The following KMT2B variants were observed in gnomAD, a reference collection of about 807,000 sequenced individuals.
KMT2B encodes lysine methyltransferase 2B.
In KMT2B, 22 loss-of-function variants were observed where a neutral mutation model predicts 255.3. The ratio of observed to expected loss-of-function variants is 0.09; its 90% confidence interval spans 0.06 to 0.12. KMT2B has a LOEUF of 0.12. KMT2B is among the 10% of genes least tolerant of loss of function. The pLI is 1.00. For synonymous variants in KMT2B, 1,730 were observed against 1,498.1 expected (o/e 1.15, Z -3.57); for missense variants, 3,149 against 3,737.0 (o/e 0.84, Z 4.10).
intron 30 of KMT2B, among the ~76,000 whole-genome samples, chr19:35,734,547 T>A (rs543845579): frequency 6.6e-6 from 1 of 152,156 alleles, no homozygotes; most frequent in East Asian, 1.9e-4. Context: ...AAGGGCAGGC[T>A]GGGATGGAAA....
chr19:35,727,306 C>T lies in KMT2B; in HGVS notation c.4117+37C>T, dbSNP rs888765388. On this transcript the variant is annotated intron_variant, in intron 15 of 36. Transcript: ENST00000420124. This position sits in a 1 kb window ranked among gnomAD's most constrained non-coding sequence, Gnocchi z 4.2. ...GAGCACCTGGGCTGCAGCCTCAACC[C>T]TGTGGGGACCCCTGCCCCCACCACA... The T allele has an allele frequency of 6.3e-7, 1 of 1,588,354 alleles. No individual in the cohort carries two copies. Among genetic ancestry groups the T allele is most frequent in the South Asian group, 1.1e-5 (1 of 90,514 alleles).
chr19:35,723,677 A>G lies in KMT2B; in HGVS notation c.3059-55A>G, dbSNP rs1969308531. 8 of 1,456,592 alleles carry G rather than the reference A, an allele frequency of 5.5e-6. No individual in the cohort carries two copies. The South Asian group carries it at 1.1e-4, about 20-fold the overall frequency. The allele number at this position is 1,456,592 out of a possible 1,614,324, so 90.2% of individuals were successfully genotyped here. A position where few individuals can be genotyped will look rare whatever the true frequency, so the allele number is the denominator to read the frequency against. ...CCCGCTTCTTTCTGGCTTCTCTCCCAGTGTCCCATGTCCCTGGCTGAGCTC... is the reference window on the plus strand; with the variant it reads ...CCCGCTTCTTTCTGGCTTCTCTCCCGGTGTCCCATGTCCCTGGCTGAGCTC... On this transcript the variant is annotated intron_variant, in intron 7 of 36. Coordinates refer to ENST00000420124, the MANE Select transcript of KMT2B (RefSeq NM_014727.3). The surrounding 1 kb of genome is among the most constrained non-coding windows in gnomAD (Gnocchi z 7.5).
rs775006966 is a variant in KMT2B, at chr19:35,718,276, C to A, written c.258C>A (p.Gly86=). The change falls in exon 1 of 37, where the codon GGC becomes GGA. Residue 86 remains glycine, a synonymous_variant. Transcript: ENST00000420124. This position sits in a 1 kb window ranked among gnomAD's most constrained non-coding sequence, Gnocchi z 5.0. ...GLRRLRRLWA[G]PRVQRGRGRG... is the part of the protein sequence containing the mutation. ...GCCGGCTCCGCCGCCTGTGGGCCGGCCCGCGGGTCCAGCGGGGCCGGGGAC... is the reference window on the plus strand; with the variant it reads ...GCCGGCTCCGCCGCCTGTGGGCCGGACCGCGGGTCCAGCGGGGCCGGGGAC... 6.6e-6 allele frequency: 8 copies of A among 1,221,112 alleles called. No homozygotes were observed. The Admixed American group carries it at 3.5e-4, about 54-fold the overall frequency. 75.6% of individuals were successfully genotyped at this position (1,221,112 alleles called of 1,614,324 possible).
rs1969029470 is a variant in KMT2B at position 35,718,183 on chromosome 19, G to C, written c.165G>C (p.Gly55=). The C allele has an allele frequency of 9.0e-7, 1 of 1,116,296 alleles. No individual in the cohort carries two copies. Among genetic ancestry groups the C allele is most frequent in the South Asian group, 4.3e-5 (1 of 23,334 alleles). 69.1% of individuals were successfully genotyped at this position (1,116,296 alleles called of 1,614,324 possible). ...VALRRGGGAT[G]PGGAEPGEDT... is the part of the protein sequence containing the mutation. ...TGCGGCGCGGCGGTGGCGCGACGGG[G>C]CCGGGCGGAGCCGAGCCCGGGGAGG... Residue 55 remains glycine (G), a synonymous_variant, in exon 1 of 37, where the codon GGG becomes GGC. Transcript: ENST00000420124. This position sits in a 1 kb window ranked among gnomAD's most constrained non-coding sequence, Gnocchi z 5.0.
At chr19:35,728,011 G>C (rs780129338) in intron 18 of KMT2B, 26 bp downstream of exon 18, 2 of 1,548,732 alleles carry the variant, frequency 1.3e-6, no homozygotes, top group African/African-American at 2.7e-5. Context: ...GATGCTTGTG[G>C]GGTGGGGGAG....
chr19:35,737,054 A>C lies in KMT2B; in HGVS notation c.7373-32A>C, dbSNP rs766990900. 6.2e-7 allele frequency: 1 copy of C among 1,610,330 alleles called. No individual in the cohort carries two copies. The highest frequency in any genetic ancestry group is 1.7e-5 in the Admixed American group (1 of 59,400). On this transcript the variant is annotated intron_variant, in intron 32 of 36. Transcript: ENST00000420124. The surrounding 1 kb of genome is among the most constrained non-coding windows in gnomAD (Gnocchi z 5.3). ...CCCGAGGGCACCATGGGCCCTCCAC[A>C]TGACAGGTGTGTCCTCAACATCTCC...
At position 35,733,853 on chromosome 19, in the gene KMT2B, C is replaced by G. The variant is rs1320682782; in HGVS notation, c.7140C>G (p.Ser2380=). ...PDGPPDLLLE[S]QWHHYSGEAS... ...GTCCCCCAGACCTGCTGCTTGAGTC[C>G]CAGTGGCACCACTATTCAGGTAGGG... is the stretch of plus-strand genomic sequence containing the variant. The change falls in exon 30 of 37, where the codon TCC becomes TCG. Residue 2380 remains serine, a synonymous_variant. Coordinates refer to ENST00000420124, the MANE Select transcript of KMT2B (RefSeq NM_014727.3). The surrounding 1 kb of genome is among the most constrained non-coding windows in gnomAD (Gnocchi z 4.3). The G allele has an allele frequency of 6.2e-7, 1 of 1,612,982 alleles. No homozygotes were observed. Among genetic ancestry groups the G allele is most frequent in the Non-Finnish European group, 8.5e-7 (1 of 1,179,194 alleles).
At position 35,720,218 on chromosome 19, in the gene KMT2B, G is replaced by A; in HGVS notation, c.871G>A (p.Gly291Arg). ...AGGACAGTCAAGCCGTGGAGGCCGT[G>A]GAGGCAGGGGCCGCGGCCGAGGTGG... is the stretch of plus-strand genomic sequence containing the variant. ...RGGQSSRGGR[G>R]GRGRGRGGGL... is the part of the protein sequence containing the mutation. Residue 291 changes from glycine (G) to arginine (R), a missense_variant, in exon 3 of 37, where the codon GGA (glycine) becomes AGA (arginine). Coordinates refer to ENST00000420124, the MANE Select transcript of KMT2B (RefSeq NM_014727.3). 6.2e-7 allele frequency: 1 copy of A among 1,610,650 alleles called. No homozygotes were observed. The highest frequency in any genetic ancestry group is 8.5e-7 in the Non-Finnish European group (1 of 1,178,688).
Position 35,718,426 on chromosome 19 carries a change from C to G in KMT2B, c.363+45C>G. On this transcript the variant is annotated intron_variant, in intron 1 of 36. Coordinates refer to ENST00000420124, the MANE Select transcript of KMT2B (RefSeq NM_014727.3). This position sits in a 1 kb window ranked among gnomAD's most constrained non-coding sequence, Gnocchi z 5.0. ...CCCCGGCGCCGGGTGGGGCGGAGGC[C>G]GGGGCTTCCAGGGGTCTGGGTTGTC... is the stretch of plus-strand genomic sequence containing the variant. 1 of 1,231,248 alleles carries G rather than the reference C, an allele frequency of 8.1e-7. No individual in the cohort carries two copies. The allele number at this position is 1,231,248 out of a possible 1,614,324, so 76.3% of individuals were successfully genotyped here.
At position 35,736,835 on chromosome 19, in the gene KMT2B, G is replaced by T. The variant is rs967527443; in HGVS notation, c.7297+8G>T. The T allele has an allele frequency of 6.2e-7, 1 of 1,613,840 alleles. No individual in the cohort carries two copies. The highest frequency in any genetic ancestry group is 8.5e-7 in the Non-Finnish European group (1 of 1,179,878). Reference sequence around the variant, plus strand: ...AGGCAGAGAGCTTGGAGGGTGAGTGGGGGGAGTGCAGTGGCAGGAGGGAGA... The same window carrying T: ...AGGCAGAGAGCTTGGAGGGTGAGTGTGGGGAGTGCAGTGGCAGGAGGGAGA... On this transcript the variant is annotated splice_region_variant and intron_variant, in intron 31 of 36. Transcript: ENST00000420124.
rs1969352947 is a variant in KMT2B, at chr19:35,724,517, T to G, written c.3335-120T>G. On this transcript the variant is annotated intron_variant, in intron 8 of 36. Coordinates refer to ENST00000420124, the MANE Select transcript of KMT2B (RefSeq NM_014727.3). ...CTGCCTCAAAAAACAAGAAAAAGAA[T>G]CGTCCTGGCGGGTCTTGGTTAGTTA... 3.7e-6 allele frequency: 3 copies of G among 813,562 alleles called. No homozygotes were observed. The African/African-American group carries it at 5.1e-5, about 14-fold the overall frequency. 50.4% of individuals were successfully genotyped at this position (813,562 alleles called of 1,614,324 possible).
intron 22 of KMT2B, 26 bp downstream of exon 22, chr19:35,729,322 G>C (rs1399755431): frequency 6.4e-7 from 1 of 1,574,058 alleles, no homozygotes; most frequent in South Asian, 1.2e-5. Context: ...CAGAGAGGTG[G>C]ACAGCTCTCT....
At position 35,738,371 on chromosome 19, in the gene KMT2B, C is replaced by G. The variant is rs767935913; in HGVS notation, c.7962C>G (p.Ser2654=). 2.5e-6 allele frequency: 4 copies of G among 1,614,010 alleles called. No individual in the cohort carries two copies. The East Asian group carries it at 6.7e-5, about 27-fold the overall frequency. The change falls in exon 37 of 37, where the codon TCC becomes TCG. Residue 2654 remains serine (S), a synonymous_variant. Transcript: ENST00000420124. The surrounding 1 kb of genome is among the most constrained non-coding windows in gnomAD (Gnocchi z 8.7). ...HGNAARFINH[S]CEPNCFSRVI... ...ATGCCGCCCGCTTCATCAACCACTC[C>G]TGTGAGCCCAACTGCTTCTCTCGGG...
In KMT2B at chr19:35,723,212, C is replaced by T. The variant is rs772992946; in HGVS notation, c.2940C>T (p.Ser980=). ...RGCLRVQDCG[S]CVNCLDKPKF... ...GCCTACGTGTGCAGGACTGTGGGTC[C>T]TGTGTCAACTGCCTAGACAAGCCCA... is the stretch of plus-strand genomic sequence containing the variant. The change falls in exon 6 of 37, where the codon TCC becomes TCT. Residue 980 remains serine, a synonymous_variant. Coordinates refer to ENST00000420124, the MANE Select transcript of KMT2B (RefSeq NM_014727.3). The surrounding 1 kb of genome is among the most constrained non-coding windows in gnomAD (Gnocchi z 7.5). 4.3e-6 allele frequency: 7 copies of T among 1,613,376 alleles called. No homozygotes were observed. Among genetic ancestry groups the T allele is most frequent in the Non-Finnish European group, 5.1e-6 (6 of 1,179,864 alleles).
rs762590352 is a variant in KMT2B, at chr19:35,720,998, C to A, written c.1651C>A (p.Pro551Thr). Residue 551 changes from proline to threonine, a missense_variant, in exon 3 of 37, where the codon CCC (proline) becomes ACC (threonine). By Grantham distance (38) the Pro-to-Thr change is conservative. Around this residue, in one of 18 missense-constraint regions of KMT2B, gnomAD observed 1,188 missense variants for 1,106.4 expected, o/e 1.07. Coordinates refer to ENST00000420124, the MANE Select transcript of KMT2B (RefSeq NM_014727.3). Reference protein sequence around the residue: ...KTPRRFMDEDPPKPPKVEVSP... With the variant: ...KTPRRFMDEDTPKPPKVEVSP... ...ACCCCGGCGATTTATGGATGAAGACCCCCCCAAACCCCCAAAGGTGGAGGT... is the reference window on the plus strand; with the variant it reads ...ACCCCGGCGATTTATGGATGAAGACACCCCCAAACCCCCAAAGGTGGAGGT... 6.2e-7 allele frequency: 1 copy of A among 1,610,582 alleles called. No individual in the cohort carries two copies. Among genetic ancestry groups the A allele is most frequent in the South Asian group, 1.1e-5 (1 of 90,318 alleles).
intron 1 of KMT2B, 99 bp from the exon 2 acceptor site, chr19:35,719,370 G>A (rs899028971): frequency 7.2e-6 from 6 of 838,914 alleles, no homozygotes; most frequent in African/African-American, 1.7e-5. Context: ...GCAGGGGTAT[G>A]CTAAGTGGGA....
chr19:35,725,674 G>T lies in KMT2B; in HGVS notation c.3789+49G>T, dbSNP rs375827612. On this transcript the variant is annotated intron_variant, in intron 12 of 36. Transcript: ENST00000420124. The surrounding 1 kb of genome is among the most constrained non-coding windows in gnomAD (Gnocchi z 4.1). Reference sequence around the variant, plus strand: ...GGTGGGTGGAGGCCTGAAGGTGAGGGCATCCCTGTGCCAGCAGGTTTCGCC... The same window carrying T: ...GGTGGGTGGAGGCCTGAAGGTGAGGTCATCCCTGTGCCAGCAGGTTTCGCC... The T allele has an allele frequency of 7.5e-5, 120 of 1,606,412 alleles. 1 individual carries two copies. In the Admixed American group the frequency reaches 2.0e-3, roughly 27 times the overall value.
At chr19:35,719,602 T>C in intron 2 of KMT2B, 61 bp downstream of exon 2, 1 of 1,538,730 alleles carries the variant, frequency 6.5e-7, no homozygotes, top group East Asian at 2.3e-5. Flanking sequence ...GCCCTTCGTG[T>C]CAGCTCTTCC....
intron 2 of KMT2B, 27 bp from the exon 3 acceptor site, chr19:35,719,757 A>G (rs1969105858): frequency 1.3e-6 from 2 of 1,553,018 alleles, no homozygotes; most frequent in South Asian, 1.2e-5. Context: ...GGCTTGATCC[A>G]TCTCCCCACA....
Sources: gnomAD v4.1 joint callset for allele counts (sites outside exome capture counted in the v4.1 genomes callset) on GRCh38, gnomAD v4.1.1 for gene constraint, gnomAD v4.1.1 regional missense constraint, Gnocchi (gnomAD v3.1) non-coding constraint, MANE v1.5 for transcripts, NCBI Gene and HGNC (gene_info 2026-07-23, HGNC 2026-07-21) for gene names.